The following ST6GALNAC3 variants were observed in gnomAD, a reference collection of about 807,000 sequenced individuals.
ST6GALNAC3 encodes alpha-N-acetylgalactosaminide alpha-2,6-sialyltransferase 3.
ST6GALNAC3 carries 25 observed loss-of-function variants against 32.7 expected under a neutral mutation model. The ratio of observed to expected loss-of-function variants is 0.76; its 90% CI spans 0.56 to 1.07. The LOEUF (loss-of-function observed/expected upper bound fraction) is 1.07. ST6GALNAC3 is among the 50% of genes least tolerant of loss of function. ST6GALNAC3 has a pLI of 0.00. For synonymous variants in ST6GALNAC3, 129 were observed against 133.1 expected, an observed-to-expected ratio of 0.97 and a Z score of 0.21; for missense variants, 355 against 382.4, an observed-to-expected ratio of 0.93 and a Z score of 0.60.
chr1:76,099,760 AAAAATGTATATATTTTATTGTAAAT>A (rs1647187597), intron 1 of ST6GALNAC3, among the ~76,000 whole-genome samples: 1 of 152,170 alleles, frequency 6.6e-6, no homozygotes, highest in Admixed American at 6.5e-5. Flanking sequence ...ACCACATCCT[AAAAATGTATATATTTTATTGTAAAT>A]AAATAATACT....
chr1:76,412,647 A>G (rs1027706506), intron 3 of ST6GALNAC3, among the ~76,000 whole-genome samples: 1 of 152,074 alleles, frequency 6.6e-6, no homozygotes, highest in African/African-American at 2.4e-5. Flanking sequence ...AACACTGGAT[A>G]CTTCCCCAAG....
intron 1 of ST6GALNAC3, among the ~76,000 whole-genome samples, chr1:76,113,232 G>C (rs1310136412): frequency 2.0e-5 from 3 of 151,588 alleles, no homozygotes; most frequent in African/African-American, 4.8e-5. Flanking sequence ...GCAGGCACTC[G>C]GCAGGCTGAG....
intron 1 of ST6GALNAC3, among the ~76,000 whole-genome samples, chr1:76,216,083 T>C (rs1409597626): frequency 1.3e-5 from 2 of 152,178 alleles, no homozygotes; most frequent in South Asian, 4.1e-4. Context: ...CTCATAGATG[T>C]TATTTAAGCC....
chr1:76,361,923 C>A (rs542519195), intron 2 of ST6GALNAC3, among the ~76,000 whole-genome samples: 1 of 147,750 alleles, frequency 6.8e-6, no homozygotes, highest in Non-Finnish European at 1.5e-5. Context: ...GGTTGCAGTG[C>A]GCTGAGATCA....
At chr1:76,325,096 T>A (rs1005429408) in intron 2 of ST6GALNAC3, among the ~76,000 whole-genome samples, 4 of 152,174 alleles carry the variant, frequency 2.6e-5, no homozygotes, top group Middle Eastern at 3.2e-3. Context: ...AAAAAAGGTA[T>A]TTAGGTTTTT....
At chr1:76,298,633 A>C (rs1022628357) in intron 1 of ST6GALNAC3, among the ~76,000 whole-genome samples, 2 of 152,036 alleles carry the variant, frequency 1.3e-5, no homozygotes, top group African/African-American at 4.8e-5. Flanking sequence ...CCCTTAGCAG[A>C]AGTATTTGTT....
At chr1:76,528,585 A>G in intron 3 of ST6GALNAC3, among the ~76,000 whole-genome samples, 1 of 152,102 alleles carries the variant, frequency 6.6e-6, no homozygotes, top group South Asian at 2.1e-4. Flanking sequence ...TCTATTATTA[A>G]TAAGAATAGC....
chr1:76,361,631 A>G (rs909240549), intron 2 of ST6GALNAC3, among the ~76,000 whole-genome samples: 1 of 152,150 alleles, frequency 6.6e-6, no homozygotes, highest in Non-Finnish European at 1.5e-5. Flanking sequence ...TGAAAACTTA[A>G]AACTCTTTGT....
intron 1 of ST6GALNAC3, among the ~76,000 whole-genome samples, chr1:76,107,122 TGTGG>T (rs1423994044): frequency 1.3e-5 from 2 of 152,214 alleles, no homozygotes; most frequent in African/African-American, 4.8e-5. Context: ...GAACTTACAT[TGTGG>T]GTTTACAGCT....
intron 2 of ST6GALNAC3, among the ~76,000 whole-genome samples, chr1:76,406,699 T>C (rs561985777): frequency 1.3e-5 from 2 of 152,182 alleles, no homozygotes; most frequent in South Asian, 4.1e-4. Flanking sequence ...TGCATATATG[T>C]ATATTAAGAA....
At chr1:76,470,487 T>C (rs894410277) in intron 3 of ST6GALNAC3, among the ~76,000 whole-genome samples, 5 of 152,110 alleles carry the variant, frequency 3.3e-5, no homozygotes, top group Non-Finnish European at 7.4e-5. Flanking sequence ...AACTCTTATT[T>C]TATCAGGTGG....
At chr1:76,227,894 A>G (rs185842061) in intron 1 of ST6GALNAC3, among the ~76,000 whole-genome samples, 35 of 152,252 alleles carry the variant, frequency 2.3e-4, no homozygotes, top group African/African-American at 5.3e-4. Context: ...CTTGGGAAAT[A>G]TTGTGCTGAG....
chr1:76,314,987 A>G (rs1646838443), intron 2 of ST6GALNAC3, among the ~76,000 whole-genome samples: 7 of 152,088 alleles, frequency 4.6e-5, no homozygotes, highest in South Asian at 4.1e-4. Context: ...TTTGTAGTCA[A>G]TCTCATATCT....
intron 1 of ST6GALNAC3, among the ~76,000 whole-genome samples, chr1:76,274,219 A>T (rs892720232): frequency 2.0e-5 from 3 of 152,324 alleles, no homozygotes; most frequent in African/African-American, 7.2e-5. Flanking sequence ...ATATATGATT[A>T]TATATAAGCA....
chr1:76,074,758 A>G lies in ST6GALNAC3; in HGVS notation c.-109A>G. ...GGTCCCCTTATTTGGATCTGCGGGA[A>G]TGTGGGCTGGAGAGGTCCTGCCGTG... On this transcript the variant is annotated 5_prime_UTR_variant, in exon 1 of 5. It removes an upstream start codon present in the reference 5' UTR. Transcript: ENST00000328299. 1.7e-6 allele frequency: 2 copies of G among 1,210,700 alleles called. No homozygotes were observed. Among genetic ancestry groups the G allele is most frequent in the Non-Finnish European group, 2.3e-6 (2 of 870,726 alleles). 75.0% of individuals were successfully genotyped at this position (1,210,700 alleles called of 1,614,324 possible).
chr1:76,097,553 G>A (rs291060), intron 1 of ST6GALNAC3, among the ~76,000 whole-genome samples: 4 of 151,986 alleles, frequency 2.6e-5, no homozygotes, highest in Admixed American at 2.0e-4. Flanking sequence ...ACAATTAAGC[G>A]TCTTTCCTTA....
chr1:76,202,474 G>A (rs1372488844), intron 1 of ST6GALNAC3, among the ~76,000 whole-genome samples: 1 of 152,080 alleles, frequency 6.6e-6, no homozygotes, highest in Non-Finnish European at 1.5e-5. Flanking sequence ...GAAGAGTGAA[G>A]AGCACCCCAC....
At chr1:76,357,710 C>T (rs547307635) in intron 2 of ST6GALNAC3, among the ~76,000 whole-genome samples, 11 of 152,292 alleles carry the variant, frequency 7.2e-5, no homozygotes, top group South Asian at 4.1e-4. Context: ...GCCATCTGGT[C>T]CGGCTGTTCT....
intron 1 of ST6GALNAC3, among the ~76,000 whole-genome samples, chr1:76,111,642 T>TA (rs1306824292): frequency 1.3e-5 from 2 of 149,532 alleles, no homozygotes; most frequent in East Asian, 3.9e-4. Context: ...TGATGACTCT[T>TA]AACGAGCATG....
Sources: allele counts gnomAD v4.1 joint callset (sites outside exome capture counted in the v4.1 genomes callset), GRCh38; gene constraint gnomAD v4.1.1; transcripts MANE v1.5; gene names NCBI Gene and HGNC (gene_info 2026-07-23, HGNC 2026-07-21).